The following RIN3 variants were observed in gnomAD, a reference collection of about 807,000 sequenced individuals.
The protein encoded by RIN3 is RAB5 interacting protein 3.
RIN3 carries 54 observed loss-of-function variants against 76.3 expected under a neutral mutation model. The observed-to-expected ratio is 0.71, with a 90% CI of 0.57 to 0.89. The LOEUF (loss-of-function observed/expected upper bound fraction) is 0.89, where lower values mean the gene tolerates loss of function less well. Among genes scored for constraint, RIN3 ranks in the 40% least tolerant of loss-of-function variants. The pLI, the probability that RIN3 is intolerant of heterozygous loss-of-function variation, is 0.00. For synonymous variants in RIN3, 576 were observed against 564.0 expected, an observed-to-expected ratio of 1.02 and a Z score of -0.30; for missense variants, 1,256 against 1,322.1, an observed-to-expected ratio of 0.95 and a Z score of 0.78.
At position 92,656,226 on chromosome 14, in the gene RIN3, T is replaced by C. The variant is rs978460272; in HGVS notation, c.2027-2935T>C. On this transcript the variant is annotated intron_variant, in intron 6 of 9. Transcript: ENST00000216487. This position sits in a 1 kb window ranked among gnomAD's most constrained non-coding sequence, Gnocchi z 5.2. ...CGTGGAAAGGGTAGTGGAAGGACTT[T>C]CCTTCCGGAAAGGGATGACAGCGTG... Among the ~76,000 whole-genome samples, 4 of 152,152 alleles carry C rather than the reference T, an allele frequency of 2.6e-5. No individual in the cohort carries two copies. The South Asian group carries it at 8.3e-4, about 32-fold the overall frequency.
intron 1 of RIN3, among the ~76,000 whole-genome samples, chr14:92,534,285 A>T (rs1204271583): frequency 6.8e-6 from 1 of 145,994 alleles, no homozygotes; most frequent in East Asian, 2.0e-4. Flanking sequence ...TTAGGCTCAT[A>T]GAAAGTAAAT....
chr14:92,571,705 G>A (rs1898065134), intron 2 of RIN3, among the ~76,000 whole-genome samples: 1 of 152,154 alleles, frequency 6.6e-6, no homozygotes, highest in Non-Finnish European at 1.5e-5. Context: ...TTCAAATTCA[G>A]GAGTTCCCAT....
intron 6 of RIN3, among the ~76,000 whole-genome samples, chr14:92,654,185 A>G (rs1214627264): frequency 1.3e-5 from 2 of 151,826 alleles, no homozygotes; most frequent in African/African-American, 2.4e-5. Flanking sequence ...GTGGTGGCGC[A>G]TGCCTATAAT....
At chr14:92,534,699 G>A (rs1341867294) in intron 1 of RIN3, among the ~76,000 whole-genome samples, 3 of 152,036 alleles carry the variant, frequency 2.0e-5, no homozygotes, top group Non-Finnish European at 4.4e-5. Context: ...TTTGTCCAGG[G>A]CAGCTGAGGG....
At chr14:92,573,873 G>C (rs1432654150) in intron 2 of RIN3, among the ~76,000 whole-genome samples, 7 of 152,176 alleles carry the variant, frequency 4.6e-5, no homozygotes, top group Admixed American at 2.6e-4. Flanking sequence ...TTCAATTTCA[G>C]GTGAATGCAC....
intron 7 of RIN3, among the ~76,000 whole-genome samples, chr14:92,666,221 A>G (rs1010560991): frequency 3.3e-5 from 5 of 152,192 alleles, no homozygotes; most frequent in Admixed American, 6.5e-5. Flanking sequence ...CAGTAGCTTG[A>G]TGTGGTACCT....
chr14:92,516,585 G>A (rs1273246675), intron 1 of RIN3, among the ~76,000 whole-genome samples: 1 of 152,150 alleles, frequency 6.6e-6, no homozygotes, highest in African/African-American at 2.4e-5. Context: ...CAGGAGCAAA[G>A]GGTCACCTCA....
At chr14:92,548,557 G>C (rs1897339084) in intron 1 of RIN3, among the ~76,000 whole-genome samples, 2 of 152,148 alleles carry the variant, frequency 1.3e-5, no homozygotes, top group African/African-American at 4.8e-5. Context: ...GAGGCTCTAA[G>C]GGAGGATCCG....
rs891672622 is a variant in RIN3, at chr14:92,659,028, G to A, written c.2027-133G>A. 1.1e-5 allele frequency: 9 copies of A among 813,026 alleles called. No homozygotes were observed. The African/African-American group carries it at 1.5e-4, about 14-fold the overall frequency. The allele number at this position is 813,026 out of a possible 1,614,324, so 50.4% of individuals were successfully genotyped here. A position where few individuals can be genotyped will look rare whatever the true frequency, so the allele number is the denominator to read the frequency against. ...CTCTCTCATGTGTCAGAACCACAGG[G>A]TATAACTGCTGGGGCTGTGAGTGTC... On this transcript the variant is annotated intron_variant, in intron 6 of 9. Transcript: ENST00000216487.
chr14:92,629,412 G>A (rs762641983), intron 4 of RIN3, among the ~76,000 whole-genome samples: 4 of 152,194 alleles, frequency 2.6e-5, no homozygotes, highest in Non-Finnish European at 5.9e-5. Context: ...CAAGCATAGG[G>A]CCTCAAGGGC....
intron 3 of RIN3, among the ~76,000 whole-genome samples, chr14:92,610,928 C>T (rs561555810): frequency 2.6e-5 from 4 of 152,274 alleles, no homozygotes; most frequent in Admixed American, 1.3e-4. Flanking sequence ...ACTGAACACA[C>T]GGGCACTGTT....
At chr14:92,587,975 C>T (rs543207352) in intron 3 of RIN3, among the ~76,000 whole-genome samples, 29 of 152,152 alleles carry the variant, frequency 1.9e-4, no homozygotes, top group African/African-American at 5.8e-4. Context: ...CAAGATGGCT[C>T]CTTGAAGCTG....
At chr14:92,605,339 A>C (rs2140093150) in intron 3 of RIN3, among the ~76,000 whole-genome samples, 1 of 152,338 alleles carries the variant, frequency 6.6e-6, no homozygotes, top group African/African-American at 2.4e-5. Context: ...CAGAACTGGA[A>C]ATTTTATTAA....
rs1023625417 is a variant in RIN3 at position 92,578,474 on chromosome 14, C to T, written c.367+997C>T. On this transcript the variant is annotated intron_variant, in intron 3 of 9. Transcript: ENST00000216487. ...AACCGCTCAGTGGGTACTTCTCCCC[C>T]TCTGCCCAGATAGACCCAATTTATC... Among the ~76,000 whole-genome samples, 7 of 152,168 alleles carry T rather than the reference C, an allele frequency of 4.6e-5. No homozygotes were observed. In the East Asian group the frequency reaches 9.6e-4, roughly 21 times the overall value.
At chr14:92,630,824 G>C (rs1241763121) in intron 4 of RIN3, among the ~76,000 whole-genome samples, 1 of 152,216 alleles carries the variant, frequency 6.6e-6, no homozygotes, top group Non-Finnish European at 1.5e-5. Flanking sequence ...ATAGTCCCAG[G>C]CTGGGAGTTG....
rs1010103826 is a variant in RIN3 at position 92,656,046 on chromosome 14, A to C, written c.2026+2971A>C. ...CGGGTCTGAGGACTGAGCCACAGGCACCGTGCAGACCAGGAGGACACAGAA... is the reference window on the plus strand; with the variant it reads ...CGGGTCTGAGGACTGAGCCACAGGCCCCGTGCAGACCAGGAGGACACAGAA... On this transcript the variant is annotated intron_variant, in intron 6 of 9. Transcript: ENST00000216487. This position sits in a 1 kb window ranked among gnomAD's most constrained non-coding sequence, Gnocchi z 5.2. Among the ~76,000 whole-genome samples, 8 of 152,178 alleles carry C rather than the reference A, an allele frequency of 5.3e-5. No individual in the cohort carries two copies. The highest frequency in any genetic ancestry group is 1.9e-4 in the African/African-American group (8 of 41,436).
In RIN3 at chr14:92,681,806, GTTC is replaced by G. The variant is rs1888672204; in HGVS notation, c.2468-3176_2468-3174del. Among the ~76,000 whole-genome samples, 1 of 152,180 alleles carries G rather than the reference GTTC, an allele frequency of 6.6e-6. No individual in the cohort carries two copies. The highest frequency in any genetic ancestry group is 2.1e-4 in the South Asian group (1 of 4,828). On this transcript the variant is annotated intron_variant, in intron 8 of 9. Coordinates refer to ENST00000216487, the MANE Select transcript of RIN3 (RefSeq NM_024832.5). This position sits in a 1 kb window ranked among gnomAD's most constrained non-coding sequence, Gnocchi z 4.7. ...ATGGAGATACGTAAGTGGTTTAGTG[GTTC>G]TTCTCTTATTAGGGACACCAAGGCA...
intron 7 of RIN3, among the ~76,000 whole-genome samples, chr14:92,662,353 C>A (rs886633888): frequency 6.6e-6 from 1 of 152,178 alleles, no homozygotes; most frequent in Non-Finnish European, 1.5e-5. Context: ...GGAACAGCCT[C>A]GGGGAGAGCA....
rs534520927 is a variant in RIN3 at position 92,681,510 on chromosome 14, G to T, written c.2468-3477G>T. 6.6e-6 allele frequency among the ~76,000 whole-genome samples: 1 copy of T among 152,216 alleles called. No homozygotes were observed. The highest frequency in any genetic ancestry group is 6.5e-5 in the Admixed American group (1 of 15,288). On this transcript the variant is annotated intron_variant, in intron 8 of 9. Transcript: ENST00000216487. This position sits in a 1 kb window ranked among gnomAD's most constrained non-coding sequence, Gnocchi z 4.7. The stretch of plus-strand genomic sequence containing the variant: ...CAACTTTATGATGTTTGCAGATAAG[G>T]AAACTGAGGCATAGAGAGGCCATTA...
Sources: allele counts gnomAD v4.1 joint callset (sites outside exome capture counted in the v4.1 genomes callset), GRCh38; gene constraint gnomAD v4.1.1; non-coding constraint Gnocchi (gnomAD v3.1); transcripts MANE v1.5; gene names NCBI Gene and HGNC (gene_info 2026-07-23, HGNC 2026-07-21).